Variants in BCL2L14 observed in about 807,000 individuals in gnomAD.
The protein encoded by BCL2L14 is apoptosis facilitator Bcl-2-like protein 14.
In BCL2L14, 27 loss-of-function variants were observed where a neutral mutation model predicts 35.3. The ratio of observed to expected loss-of-function variants is 0.76; its 90% CI spans 0.56 to 1.05. BCL2L14 has a LOEUF of 1.05. BCL2L14 is among the 50% of genes least tolerant of loss of function. The pLI, the probability that BCL2L14 is intolerant of heterozygous loss-of-function variation, is 0.00. For missense variants in BCL2L14, 377 were observed against 382.6 expected (o/e 0.99, Z 0.12); for synonymous variants, 139 against 145.9 (o/e 0.95, Z 0.34).
chr12:12,067,661 A>G (rs956342497), upstream of BCL2L14, among the ~76,000 whole-genome samples: 2 of 152,180 alleles, frequency 1.3e-5, no homozygotes, highest in African/African-American at 4.8e-5. Flanking sequence ...CCAAATTTTT[A>G]GCAGCATTTC....
intron 3 of BCL2L14, 69 bp from the exon 4 acceptor site, chr12:12,090,710 T>A: frequency 7.8e-7 from 1 of 1,286,124 alleles, no homozygotes; most frequent in Non-Finnish European, 1.1e-6. Context: ...AAGCATTCAT[T>A]GTCCCTGGAA....
At chr12:12,092,313 T>C (rs1474733843) in intron 4 of BCL2L14, among the ~76,000 whole-genome samples, 1 of 152,248 alleles carries the variant, frequency 6.6e-6, no homozygotes, top group Non-Finnish European at 1.5e-5. Context: ...GTGCTCTCTC[T>C]TAAGGAGTTT....
intron 4 of BCL2L14, among the ~76,000 whole-genome samples, chr12:12,093,794 G>GAAAAAAAA (rs36147842): frequency 2.3e-5 from 3 of 131,646 alleles, no homozygotes; most frequent in East Asian, 2.2e-4. Flanking sequence ...CTCCATCTCA[G>GAAAAAAAA]AAAAAAAAAA....
chr12:12,065,209 C>A (rs1442248195), intron 2 of BCL2L14, among the ~76,000 whole-genome samples: 1 of 152,076 alleles, frequency 6.6e-6, no homozygotes, highest in African/African-American at 2.4e-5. Flanking sequence ...TTATAGAGCA[C>A]CTTTTAAAAA....
rs1346275824 is a variant in BCL2L14 at position 12,087,245 on chromosome 12, C to G, written c.466C>G (p.Arg156Gly). 1 of 1,614,034 alleles carries G rather than the reference C, an allele frequency of 6.2e-7. No homozygotes were observed. The highest frequency in any genetic ancestry group is 8.5e-7 in the Non-Finnish European group (1 of 1,180,024). ...CCCCAAAGTCATTTCCATTGCCAACCGAGTAGCTGAAATTGTTTACTCCTG... is the reference window on the plus strand; with the variant it reads ...CCCCAAAGTCATTTCCATTGCCAACGGAGTAGCTGAAATTGTTTACTCCTG... ...VDPKVISIAN[R>G]VAEIVYSWPP... The change falls in exon 3 of 6, where the codon CGA (arginine) becomes GGA (glycine). Residue 156 changes from arginine (R) to glycine (G), a missense_variant. Transcript: ENST00000308721.
At chr12:12,090,494 G>T (rs1334032280) in intron 3 of BCL2L14, among the ~76,000 whole-genome samples, 1 of 152,012 alleles carries the variant, frequency 6.6e-6, no homozygotes, top group African/African-American at 2.4e-5. Context: ...TTAGCCAGGC[G>T]TGGTGGCACA....
chr12:12,069,147 TG>T (rs1263439944), upstream of BCL2L14, among the ~76,000 whole-genome samples: 1 of 152,198 alleles, frequency 6.6e-6, no homozygotes, highest in Non-Finnish European at 1.5e-5. Flanking sequence ...TTGATAGATT[TG>T]GGCTGCTGCT....
chr12:12,062,793 C>T (rs182105536), intron 2 of BCL2L14, among the ~76,000 whole-genome samples: 5 of 152,238 alleles, frequency 3.3e-5, no homozygotes, highest in South Asian at 2.1e-4. Flanking sequence ...TGATAACAGA[C>T]GAGCCTTTAT....
At chr12:12,050,793 TAAAAAAA>T (rs3052084) in intron 1 of BCL2L14, among the ~76,000 whole-genome samples, 2 of 88,300 alleles carry the variant, frequency 2.3e-5, no homozygotes, top group Admixed American at 2.3e-4. Flanking sequence ...GCTGATGAGC[TAAAAAAA>T]AAAAAAAAAA....
In BCL2L14 at chr12:12,094,686, T is replaced by A. The variant is rs1949272654; in HGVS notation, c.701T>A (p.Met234Lys). The A allele has an allele frequency of 6.2e-7, 1 of 1,614,142 alleles. No homozygotes were observed. The highest frequency in any genetic ancestry group is 1.3e-5 in the African/African-American group (1 of 74,942). ...ERKLKKDKAL[M>K]GHFQDGLSYS... ...CAGCTGAAGAAAGATAAGGCTTTGATGGGCCACTTCCAGGATGGGCTGTCC... is the reference window on the plus strand; with the variant it reads ...CAGCTGAAGAAAGATAAGGCTTTGAAGGGCCACTTCCAGGATGGGCTGTCC... The change falls in exon 5 of 6, where the codon ATG (methionine) becomes AAG (lysine). Residue 234 changes from methionine (M) to lysine (K), a missense_variant. Met to Lys is a moderately conservative substitution (Grantham distance 95). Coordinates refer to ENST00000308721, the MANE Select transcript of BCL2L14 (RefSeq NM_138723.2).
chr12:12,058,731 A>T (rs542555068), intron 2 of BCL2L14, among the ~76,000 whole-genome samples: 44 of 152,226 alleles, frequency 2.9e-4, no homozygotes, highest in Admixed American at 1.4e-3. Flanking sequence ...ATAAACAGCC[A>T]TGTTGCTCAC....
intron 2 of BCL2L14, among the ~76,000 whole-genome samples, chr12:12,080,842 G>A (rs1948905020): frequency 6.6e-6 from 1 of 152,064 alleles, no homozygotes; most frequent in South Asian, 2.1e-4. Context: ...CAACTGAGAA[G>A]CATTTAGACA....
intron 5 of BCL2L14, among the ~76,000 whole-genome samples, chr12:12,097,036 C>CG (rs1949327762): frequency 6.6e-6 from 1 of 152,020 alleles, no homozygotes; most frequent in East Asian, 1.9e-4. Context: ...CCCAGCTACT[C>CG]AGGGGGGCTG....
At chr12:12,089,984 T>C (rs2448052) in intron 3 of BCL2L14, among the ~76,000 whole-genome samples, 75,973 of 151,996 alleles carry the variant, frequency 0.5, 19,189 homozygotes, top group Middle Eastern at 0.67. Flanking sequence ...CTCTCTTAGA[T>C]ATGGGCCACA....
At chr12:12,053,655 G>T (rs980631591) in intron 2 of BCL2L14, among the ~76,000 whole-genome samples, 1 of 152,120 alleles carries the variant, frequency 6.6e-6, no homozygotes, top group African/African-American at 2.4e-5. Flanking sequence ...TCCAACCTCA[G>T]GTACCCGCCT....
chr12:12,063,793 A>T (rs1021634751), intron 2 of BCL2L14, among the ~76,000 whole-genome samples: 2 of 152,148 alleles, frequency 1.3e-5, no homozygotes, highest in African/African-American at 2.4e-5. Context: ...AAAGACGTGA[A>T]AATGGCCTGT....
upstream of BCL2L14, among the ~76,000 whole-genome samples, chr12:12,068,632 C>T (rs1948621875): frequency 6.6e-6 from 1 of 151,220 alleles, no homozygotes; most frequent in Admixed American, 6.6e-5. Context: ...GAGTAGCTAG[C>T]ACTACATGCG....
At chr12:12,058,077 T>C (rs1487909780) in intron 2 of BCL2L14, among the ~76,000 whole-genome samples, 1 of 150,182 alleles carries the variant, frequency 6.7e-6, no homozygotes, top group African/African-American at 2.5e-5. Context: ...CCTCCCCGAG[T>C]AGCTGGGACT....
intron 4 of BCL2L14, among the ~76,000 whole-genome samples, chr12:12,092,867 C>A (rs1026712373): frequency 1.3e-5 from 2 of 152,110 alleles, no homozygotes; most frequent in African/African-American, 4.8e-5. Flanking sequence ...CCCAGATATC[C>A]CTTTTAGAAA....
Sources: allele counts gnomAD v4.1 joint callset (sites outside exome capture counted in the v4.1 genomes callset), GRCh38; gene constraint gnomAD v4.1.1; transcripts MANE v1.5; gene names NCBI Gene and HGNC (gene_info 2026-07-23, HGNC 2026-07-21).